SPTLC2: variants seen among roughly 807,000 people sequenced by gnomAD.
SPTLC2 encodes serine palmitoyltransferase long chain base subunit 2, also known as serine palmitoyltransferase 2.
Under a neutral mutation model 62.0 loss-of-function variants are expected in SPTLC2, and 21 were observed. That is an observed-to-expected ratio of 0.34 (90% confidence interval 0.24 to 0.49). SPTLC2 has a LOEUF of 0.49. Ranked by LOEUF, SPTLC2 falls within the 20% of genes least tolerant of loss-of-function variation. The pLI, the probability that SPTLC2 is intolerant of heterozygous loss-of-function variation, is 0.99. For missense variants in SPTLC2, 511 were observed against 713.0 expected (o/e 0.72, Z 3.23); for synonymous variants, 261 against 261.8 (o/e 1.00, Z 0.03).
intron 2 of SPTLC2, among the ~76,000 whole-genome samples, chr14:77,594,743 AT>A (rs2079837230): frequency 6.6e-6 from 1 of 152,226 alleles, no homozygotes; most frequent in African/African-American, 2.4e-5. Flanking sequence ...TCATCCAGGA[AT>A]GTGCTGTCTG....
At chr14:77,549,872 T>C (rs1338734885) in intron 9 of SPTLC2, among the ~76,000 whole-genome samples, 1 of 152,248 alleles carries the variant, frequency 6.6e-6, no homozygotes, top group Non-Finnish European at 1.5e-5. Flanking sequence ...CACAGATCCA[T>C]GTTCTGGAAC....
chr14:77,550,301 G>A (rs2012998), intron 9 of SPTLC2, among the ~76,000 whole-genome samples: 58,734 of 152,214 alleles, frequency 0.39, 13,362 homozygotes, highest in East Asian at 0.87. Context: ...TCGACTGGGC[G>A]CGGTGGCTTA....
At chr14:77,519,615 G>A (rs1482346923) in intron 10 of SPTLC2, among the ~76,000 whole-genome samples, 2 of 152,110 alleles carry the variant, frequency 1.3e-5, no homozygotes, top group Non-Finnish European at 2.9e-5. Context: ...CTACTGGGGA[G>A]GCGGAAGCAC....
intron 5 of SPTLC2, among the ~76,000 whole-genome samples, chr14:77,563,922 A>C (rs544460069): frequency 6.6e-6 from 1 of 151,820 alleles, no homozygotes; most frequent in South Asian, 2.1e-4. Context: ...AGTATTTATT[A>C]AGATAAAAAA....
chr14:77,543,097 T>G (rs1015994786), intron 9 of SPTLC2, among the ~76,000 whole-genome samples: 8 of 152,236 alleles, frequency 5.3e-5, no homozygotes, highest in Non-Finnish European at 1.2e-4. Context: ...TTGCCTGAGC[T>G]GGAGTGCAGT....
chr14:77,557,179 A>G (rs762707710), intron 6 of SPTLC2, 33 bp from the exon 7 acceptor site: 16 of 1,521,816 alleles, frequency 1.1e-5, no homozygotes, highest in Non-Finnish European at 1.5e-5. Flanking sequence ...GTTATACCGC[A>G]TCTTCCTCTT....
chr14:77,574,473 G>A (rs2079702557), intron 4 of SPTLC2, among the ~76,000 whole-genome samples: 1 of 152,188 alleles, frequency 6.6e-6, no homozygotes, highest in African/African-American at 2.4e-5. Context: ...GTTACCATAC[G>A]ACCTAGCAAT....
intron 9 of SPTLC2, 25 bp from the exon 10 acceptor site, chr14:77,521,606 C>T (rs2079385176): frequency 1.2e-6 from 2 of 1,606,234 alleles, no homozygotes; most frequent in Non-Finnish European, 8.5e-7. Flanking sequence ...TGAGAGAAAA[C>T]AAAATAATCC....
chr14:77,545,939 T>G (rs2079525967), intron 9 of SPTLC2, among the ~76,000 whole-genome samples: 1 of 152,192 alleles, frequency 6.6e-6, no homozygotes, highest in African/African-American at 2.4e-5. Flanking sequence ...TCTTGAGTAT[T>G]CAGAATCCAT....
intron 5 of SPTLC2, among the ~76,000 whole-genome samples, chr14:77,564,131 C>T (rs1223798078): frequency 1.3e-5 from 2 of 150,690 alleles, no homozygotes; most frequent in Non-Finnish European, 2.9e-5. Flanking sequence ...TGGTGGCAGG[C>T]GCCTCAAATC....
At position 77,555,447 on chromosome 14, in the gene SPTLC2, C is replaced by A; in HGVS notation, c.1029G>T (p.Leu343=). 1 of 1,614,158 alleles carries A rather than the reference C, an allele frequency of 6.2e-7. No individual in the cohort carries two copies. Among genetic ancestry groups the A allele is most frequent in the Non-Finnish European group, 8.5e-7 (1 of 1,180,032 alleles). Residue 343 remains leucine, a synonymous_variant, in exon 8 of 12, where the codon CTG becomes CTT. Coordinates refer to ENST00000216484, the MANE Select transcript of SPTLC2 (RefSeq NM_004863.4). Reference sequence around the variant, plus strand: ...GGGCGCCAATGCTGTGAGCCTCATCCAGATACAAGTATGCCTTGTATTTCT... The same window carrying A: ...GGGCGCCAATGCTGTGAGCCTCATCAAGATACAAGTATGCCTTGTATTTCT... ...LKKKYKAYLY[L]DEAHSIGALG...
At chr14:77,525,308 T>G (rs2079403685) in intron 9 of SPTLC2, among the ~76,000 whole-genome samples, 1 of 151,628 alleles carries the variant, frequency 6.6e-6, no homozygotes, top group African/African-American at 2.4e-5. Flanking sequence ...TTACGAAAAA[T>G]GAGCCAGGCA....
At chr14:77,592,044 T>C (rs2079820798) in intron 2 of SPTLC2, among the ~76,000 whole-genome samples, 1 of 151,836 alleles carries the variant, frequency 6.6e-6, no homozygotes, top group African/African-American at 2.4e-5. Context: ...TTTTTAAATG[T>C]AGAATCATAC....
intron 9 of SPTLC2, among the ~76,000 whole-genome samples, chr14:77,531,501 C>T (rs1035783712): frequency 1.2e-3 from 116 of 98,576 alleles, no homozygotes; most frequent in South Asian, 1.5e-3. Context: ...CCTCCTCCTC[C>T]TCCTCCTCTT....
intron 2 of SPTLC2, among the ~76,000 whole-genome samples, chr14:77,594,541 G>A (rs185837749): frequency 2.6e-5 from 4 of 152,274 alleles, no homozygotes; most frequent in African/African-American, 9.6e-5. Flanking sequence ...CAGGAGGATC[G>A]CTTGAGCACA....
intron 9 of SPTLC2, among the ~76,000 whole-genome samples, chr14:77,535,110 AGAGACAGGGTTT>A (rs2079462579): frequency 1.3e-5 from 2 of 152,158 alleles, no homozygotes; most frequent in Non-Finnish European, 2.9e-5. Context: ...TATTTTCAGT[AGAGACAGGGTTT>A]CTCCATGTTG....
intron 6 of SPTLC2, among the ~76,000 whole-genome samples, chr14:77,561,774 TACATTCTTCCAA>T (rs1246571375): frequency 9.9e-5 from 15 of 152,248 alleles, no homozygotes; most frequent in Non-Finnish European, 1.8e-4. Context: ...CATTTTGGTA[TACATTCTTCCAA>T]ACTTTTGTCT....
In SPTLC2 at chr14:77,518,100, T is replaced by C. The variant is rs749094454; in HGVS notation, c.1507A>G (p.Ile503Val). 9 of 1,614,062 alleles carry C rather than the reference T, an allele frequency of 5.6e-6. No individual in the cohort carries two copies. Among genetic ancestry groups the C allele is most frequent in the South Asian group, 2.2e-5 (2 of 91,078 alleles). The change falls in exon 11 of 12, where the codon ATT (isoleucine) becomes GTT (valine). Residue 503 changes from isoleucine to valine, a missense_variant. Transcript: ENST00000216484. ...VVVVGFPATP[I>V]IESRARFCLS... ...CAAAACCTGGCTCTGGACTCAATAATTGGGGTGGCAGGAAATCCAACCACA... is the reference window on the plus strand; with the variant it reads ...CAAAACCTGGCTCTGGACTCAATAACTGGGGTGGCAGGAAATCCAACCACA...
intron 1 of SPTLC2, among the ~76,000 whole-genome samples, chr14:77,604,940 A>G (rs192657476): frequency 6.6e-6 from 1 of 151,980 alleles, no homozygotes. Flanking sequence ...CTATAAATCA[A>G]ACTGAAAACA....
Sources: allele counts gnomAD v4.1 joint callset (sites outside exome capture counted in the v4.1 genomes callset), GRCh38; gene constraint gnomAD v4.1.1; transcripts MANE v1.5; gene names NCBI Gene and HGNC (gene_info 2026-07-23, HGNC 2026-07-21).